Variants in PTPRN2 observed in about 807,000 individuals in gnomAD.
PTPRN2 encodes the protein protein tyrosine phosphatase receptor type N2.
Under a neutral mutation model 118.8 loss-of-function variants are expected in PTPRN2, and 74 were observed. That is an observed-to-expected ratio of 0.62 (90% confidence interval 0.52 to 0.76). The LOEUF (loss-of-function observed/expected upper bound fraction) is 0.76, where lower values mean the gene tolerates loss of function less well. Among genes scored for constraint, PTPRN2 ranks in the 30% least tolerant of loss-of-function variants. The pLI is 0.00. For synonymous variants in PTPRN2, 641 were observed against 608.0 expected (o/e 1.05, Z -0.80); for missense variants, 1,481 against 1,394.4 (o/e 1.06, Z -0.99).
At chr7:157,908,867 A>ATAGTTT (rs1491268702) in intron 11 of PTPRN2, among the ~76,000 whole-genome samples, 3 of 144,432 alleles carry the variant, frequency 2.1e-5, no homozygotes, top group Non-Finnish European at 4.4e-5. Flanking sequence ...CTTTTGAAGC[A>ATAGTTT]TAGTTTTAGT....
At chr7:158,110,234 C>T (rs780121188) in intron 10 of PTPRN2, among the ~76,000 whole-genome samples, 139 of 152,364 alleles carry the variant, frequency 9.1e-4, no homozygotes, top group Non-Finnish European at 1.8e-3. Flanking sequence ...CATCTCTGCT[C>T]CAAGCTTCAC....
intron 12 of PTPRN2, among the ~76,000 whole-genome samples, chr7:157,702,047 G>A (rs1357691206): frequency 6.6e-6 from 1 of 151,110 alleles, no homozygotes; most frequent in Non-Finnish European, 1.5e-5. Context: ...AAGCCCGGTC[G>A]GTGCTGGTGT....
intron 2 of PTPRN2, among the ~76,000 whole-genome samples, chr7:158,384,550 G>A (rs988653059): frequency 6.6e-6 from 1 of 152,152 alleles, no homozygotes; most frequent in Non-Finnish European, 1.5e-5. Context: ...GGAAGAAGGC[G>A]CTTCAACAGG....
At chr7:158,442,005 C>T (rs113381628) in intron 2 of PTPRN2, among the ~76,000 whole-genome samples, 11 of 132,476 alleles carry the variant, frequency 8.3e-5, no homozygotes, top group African/African-American at 2.0e-4. Context: ...ATGGTCATGG[C>T]AGTGGTGGTG....
intron 12 of PTPRN2, among the ~76,000 whole-genome samples, chr7:157,688,188 A>C (rs1473573695): frequency 6.6e-6 from 1 of 152,232 alleles, no homozygotes; most frequent in Non-Finnish European, 1.5e-5. Flanking sequence ...ACTGTTTTAA[A>C]ATGGGCTATT....
rs529686729 is a variant in PTPRN2 at position 158,154,938 on chromosome 7, A to G, written c.910+11993T>C. Among the ~76,000 whole-genome samples, 358 of 152,350 alleles carry G rather than the reference A, an allele frequency of 2.3e-3. 1 individual carries two copies. Among genetic ancestry groups the G allele is most frequent in the Non-Finnish European group, 4.1e-3 (276 of 68,032 alleles). Reference sequence around the variant, plus strand: ...ATTTGAAGATGAAGAGAAATGAGGAAGTATGTTTTGCAGCATCCAGTGAGC... The same window carrying G: ...ATTTGAAGATGAAGAGAAATGAGGAGGTATGTTTTGCAGCATCCAGTGAGC... On this transcript the variant is annotated intron_variant, in intron 6 of 22. Transcript: ENST00000389418.
At chr7:158,562,433 C>T (rs926845046) in intron 1 of PTPRN2, among the ~76,000 whole-genome samples, 2 of 152,130 alleles carry the variant, frequency 1.3e-5, no homozygotes, top group Non-Finnish European at 2.9e-5. Context: ...ACACCCAGAC[C>T]AGAACAGGAA....
chr7:157,592,453 G>A (rs1320940874), intron 17 of PTPRN2, among the ~76,000 whole-genome samples: 2 of 151,980 alleles, frequency 1.3e-5, no homozygotes, highest in Non-Finnish European at 2.9e-5. Context: ...GACACCGAGA[G>A]CCTTCACACA....
chr7:158,271,096 G>GCCTCCCCCTCCAC (rs1798480843), intron 3 of PTPRN2, among the ~76,000 whole-genome samples: 1 of 90,564 alleles, frequency 1.1e-5, no homozygotes. Flanking sequence ...CTCCACCTGG[G>GCCTCCCCCTCCAC]CTGCCCCCTC....
chr7:158,431,405 A>G (rs866713527), intron 2 of PTPRN2, among the ~76,000 whole-genome samples: 4 of 117,072 alleles, frequency 3.4e-5, no homozygotes, highest in Non-Finnish European at 7.0e-5. Flanking sequence ...CGAGCACACA[A>G]TGGCTCACAC....
rs73510524 is a variant in PTPRN2, at chr7:158,533,558, G to A, written c.113-43773C>T. 3.0e-3 allele frequency among the ~76,000 whole-genome samples: 452 copies of A among 152,274 alleles called. 3 individuals are homozygous for A. The highest frequency in any genetic ancestry group is 0.01 in the African/African-American group (431 of 41,568). On this transcript the variant is annotated intron_variant, in intron 1 of 22. Coordinates refer to ENST00000389418, the MANE Select transcript of PTPRN2 (RefSeq NM_002847.5). The stretch of plus-strand genomic sequence containing the variant: ...CCTGTCCTGCGTGATGGGTCTCCCT[G>A]CAACACACGAGGAGTCCCTATCCCA...
chr7:157,762,230 C>T (rs565592875), intron 12 of PTPRN2, among the ~76,000 whole-genome samples: 175 of 152,168 alleles, frequency 1.2e-3, no homozygotes, highest in Admixed American at 3.3e-3. Flanking sequence ...TTGACCCAGC[C>T]ATCCCATTAC....
At chr7:158,128,788 C>G (rs868251929) in intron 9 of PTPRN2, among the ~76,000 whole-genome samples, 5 of 152,148 alleles carry the variant, frequency 3.3e-5, no homozygotes, top group Non-Finnish European at 7.4e-5. Context: ...CTGGGGCACT[C>G]TCCTACCCCG....
At position 158,186,557 on chromosome 7, in the gene PTPRN2, C is replaced by T. The variant is rs1442653876; in HGVS notation, c.549+5770G>A. Among the ~76,000 whole-genome samples the T allele has an allele frequency of 4.0e-5, 6 of 150,526 alleles. No homozygotes were observed. The East Asian group carries it at 1.2e-3, about 29-fold the overall frequency. ...GCCTGGGCTCACCTGCCCCCTCCGT[C>T]AGAAGCCCGCCTGGGCCACCTGCCC... is the stretch of plus-strand genomic sequence containing the variant. On this transcript the variant is annotated intron_variant, in intron 5 of 22. Coordinates refer to ENST00000389418, the MANE Select transcript of PTPRN2 (RefSeq NM_002847.5).
At chr7:158,059,358 CGGTG>C (rs2065973727) in intron 11 of PTPRN2, among the ~76,000 whole-genome samples, 19 of 129,448 alleles carry the variant, frequency 1.5e-4, no homozygotes, top group South Asian at 2.6e-4. Flanking sequence ...CATCTGCACA[CGGTG>C]ACGCATCACT....
intron 11 of PTPRN2, among the ~76,000 whole-genome samples, chr7:157,899,762 G>A (rs1435736168): frequency 6.6e-6 from 1 of 152,144 alleles, no homozygotes; most frequent in Non-Finnish European, 1.5e-5. Flanking sequence ...TTTTCCCTTT[G>A]AGCAAATGCA....
intron 2 of PTPRN2, among the ~76,000 whole-genome samples, chr7:158,318,732 G>A (rs958981767): frequency 2.0e-5 from 3 of 152,238 alleles, no homozygotes; most frequent in African/African-American, 7.2e-5. Context: ...GGCCTCTTGC[G>A]CACATTGGAA....
At chr7:158,060,535 T>C (rs1563374872) in intron 11 of PTPRN2, among the ~76,000 whole-genome samples, 1 of 152,256 alleles carries the variant, frequency 6.6e-6, no homozygotes, top group African/African-American at 2.4e-5. Context: ...CACAGTCATG[T>C]TGGATTGGGA....
At chr7:158,190,060 T>C (rs1825641590) in intron 5 of PTPRN2, among the ~76,000 whole-genome samples, 1 of 152,358 alleles carries the variant, frequency 6.6e-6, no homozygotes, top group African/African-American at 2.4e-5. Flanking sequence ...TGGTTCAGAC[T>C]CTCAACCTAA....
Sources: gnomAD v4.1 joint callset for allele counts (sites outside exome capture counted in the v4.1 genomes callset) on GRCh38, gnomAD v4.1.1 for gene constraint, MANE v1.5 for transcripts, NCBI Gene and HGNC (gene_info 2026-07-23, HGNC 2026-07-21) for gene names.